The following KCNN2 variants were observed in gnomAD, a reference collection of about 807,000 sequenced individuals.
The protein encoded by KCNN2 is small conductance calcium-activated potassium channel protein 2.
A neutral mutation model predicts 55.5 loss-of-function variants in KCNN2; 24 were observed. The observed-to-expected ratio is 0.43, with a 90% CI of 0.31 to 0.61. KCNN2 has a LOEUF of 0.61. Ranked by LOEUF, KCNN2 falls within the 20% of genes least tolerant of loss-of-function variation. The probability of loss-of-function intolerance (pLI) is 0.08; values close to 1 mark genes in which losing one functional copy is unlikely to be tolerated. For synonymous variants in KCNN2, 431 were observed against 336.1 expected (o/e 1.28, Z -3.09); for missense variants, 754 against 853.6 (o/e 0.88, Z 1.45).
At chr5:114,251,023 A>C (rs557939017) in intron 2 of KCNN2, among the ~76,000 whole-genome samples, 1 of 152,294 alleles carries the variant, frequency 6.6e-6, no homozygotes, top group African/African-American at 2.4e-5. Flanking sequence ...TTCCATGAAG[A>C]TATGGATTTC....
At chr5:114,060,363 A>G (rs188590480) in intron 1 of KCNN2, among the ~76,000 whole-genome samples, 172 of 152,232 alleles carry the variant, frequency 1.1e-3, no homozygotes, top group Non-Finnish European at 1.6e-3. Context: ...TCTTTCCTCA[A>G]ATGGATCCCT....
intron 1 of KCNN2, among the ~76,000 whole-genome samples, chr5:114,139,922 C>G (rs201903935): frequency 6.6e-6 from 1 of 151,856 alleles, no homozygotes; most frequent in Middle Eastern, 3.4e-3. Flanking sequence ...AGACTTCAAC[C>G]AAAATAACAT....
At chr5:114,217,054 A>G (rs538981878) in intron 1 of KCNN2, among the ~76,000 whole-genome samples, 1 of 152,230 alleles carries the variant, frequency 6.6e-6, no homozygotes, top group African/African-American at 2.4e-5. Flanking sequence ...ATCTATCAAA[A>G]TATGTATAAG....
At chr5:114,459,938 G>A (rs1262629445) in intron 3 of KCNN2, among the ~76,000 whole-genome samples, 1 of 152,158 alleles carries the variant, frequency 6.6e-6, no homozygotes, top group Non-Finnish European at 1.5e-5. Flanking sequence ...TAAGATTTGA[G>A]CATTTGTTAA....
At chr5:114,162,409 C>T (rs942122251) in intron 1 of KCNN2, among the ~76,000 whole-genome samples, 4 of 152,164 alleles carry the variant, frequency 2.6e-5, no homozygotes, top group African/African-American at 4.8e-5. Context: ...TCAGTCCGCC[C>T]CTACTGGGGG....
chr5:114,212,998 A>G (rs1753920542), intron 1 of KCNN2, among the ~76,000 whole-genome samples: 1 of 152,024 alleles, frequency 6.6e-6, no homozygotes, highest in Admixed American at 6.6e-5. Flanking sequence ...CTGGGAATAA[A>G]TGGATACCCC....
intron 2 of KCNN2, among the ~76,000 whole-genome samples, chr5:114,397,599 C>G (rs1424632216): frequency 1.3e-5 from 2 of 152,102 alleles, no homozygotes; most frequent in African/African-American, 4.8e-5. Flanking sequence ...ATTGGCCAGG[C>G]TGGTCTTGAA....
At chr5:114,346,382 T>C (rs145744463) in intron 2 of KCNN2, among the ~76,000 whole-genome samples, 152 of 152,290 alleles carry the variant, frequency 1.0e-3, no homozygotes, top group African/African-American at 3.5e-3. Context: ...CAAACAGAAC[T>C]GGACACAAAC....
intron 2 of KCNN2, among the ~76,000 whole-genome samples, chr5:114,300,314 G>A (rs1469132294): frequency 3.3e-5 from 5 of 152,170 alleles, no homozygotes; most frequent in Non-Finnish European, 7.3e-5. Context: ...TTTGTTCTCA[G>A]TGAGTGCTTT....
chr5:114,103,411 C>G (rs1751413469), intron 1 of KCNN2, among the ~76,000 whole-genome samples: 1 of 152,094 alleles, frequency 6.6e-6, no homozygotes, highest in Non-Finnish European at 1.5e-5. Flanking sequence ...TTTGAATACT[C>G]TTTATTTCTT....
At position 114,202,587 on chromosome 5, in the gene KCNN2, T is replaced by TA. The variant is rs1368706421; in HGVS notation, c.-270-18893_-270-18892insA. ...TGTGTGTATATATATATATATATAT[T>TA]TTTTTTTTTTTTTTCCCGAGACAGA... is the stretch of plus-strand genomic sequence containing the variant. On this transcript the variant is annotated intron_variant, in intron 1 of 10. Coordinates refer to the KCNN2 transcript ENST00000512097. 7.7e-3 allele frequency among the ~76,000 whole-genome samples: 674 copies of TA among 87,942 alleles called. 2 individuals are homozygous for TA. The highest frequency in any genetic ancestry group is 0.013 in the Non-Finnish European group (547 of 42,330). The allele number at this position is 87,942 out of a possible 152,430, so 57.7% of individuals were successfully genotyped here.
chr5:114,152,142 T>TTA (rs1752541948), intron 1 of KCNN2, among the ~76,000 whole-genome samples: 1 of 152,126 alleles, frequency 6.6e-6, no homozygotes. Context: ...AATGTCTCAT[T>TTA]ATAGTTCCAA....
chr5:114,091,800 C>A (rs1263620084), intron 1 of KCNN2, among the ~76,000 whole-genome samples: 4 of 152,118 alleles, frequency 2.6e-5, no homozygotes, highest in African/African-American at 9.7e-5. Context: ...CTCATGAGAA[C>A]TCACTATAAT....
chr5:114,381,323 G>T (rs1758119453), intron 2 of KCNN2, among the ~76,000 whole-genome samples: 1 of 152,140 alleles, frequency 6.6e-6, no homozygotes, highest in African/African-American at 2.4e-5. Context: ...TGAAATCATT[G>T]CAGGGCATTT....
chr5:114,134,004 C>T (rs997432926), intron 1 of KCNN2, among the ~76,000 whole-genome samples: 4 of 152,172 alleles, frequency 2.6e-5, no homozygotes, highest in Non-Finnish European at 5.9e-5. Context: ...TGCTTCTTCT[C>T]TGTATTGGCT....
chr5:114,132,868 A>G (rs1416723503), intron 1 of KCNN2, among the ~76,000 whole-genome samples: 1 of 152,216 alleles, frequency 6.6e-6, no homozygotes, highest in African/African-American at 2.4e-5. Context: ...AATCAAACAT[A>G]ACTGCAGAAG....
chr5:114,166,580 A>G (rs922695930), intron 1 of KCNN2, among the ~76,000 whole-genome samples: 5 of 152,172 alleles, frequency 3.3e-5, no homozygotes, highest in African/African-American at 1.2e-4. Flanking sequence ...GTGGCATTCA[A>G]GGAAGTCATA....
chr5:114,168,261 T>G (rs1449822495), intron 1 of KCNN2, among the ~76,000 whole-genome samples: 4 of 151,826 alleles, frequency 2.6e-5, no homozygotes, highest in African/African-American at 4.8e-5. Flanking sequence ...GGTTTTCTAT[T>G]TAGTTTCCAT....
chr5:114,237,526 G>T (rs1754527019), intron 2 of KCNN2, among the ~76,000 whole-genome samples: 1 of 152,106 alleles, frequency 6.6e-6, no homozygotes, highest in South Asian at 2.1e-4. Flanking sequence ...AGATAAGGTA[G>T]GAGGGAGAGA....
Sources: allele counts gnomAD v4.1 joint callset (sites outside exome capture counted in the v4.1 genomes callset), GRCh38; gene constraint gnomAD v4.1.1; transcripts MANE v1.5; gene names NCBI Gene and HGNC (gene_info 2026-07-23, HGNC 2026-07-21).